RAB3C: variants seen among roughly 807,000 people sequenced by gnomAD.
RAB3C encodes the protein RAB3C, member RAS oncogene family.
Under a neutral mutation model 26.4 loss-of-function variants are expected in RAB3C, and 17 were observed. The observed-to-expected ratio is 0.64, with a 90% CI of 0.44 to 0.97. The LOEUF is 0.97. Ranked by LOEUF, RAB3C falls within the 50% of genes least tolerant of loss-of-function variation. The pLI is 0.00. For synonymous variants in RAB3C, 91 were observed against 95.9 expected, an observed-to-expected ratio of 0.95 and a Z score of 0.30; for missense variants, 242 against 281.9, an observed-to-expected ratio of 0.86 and a Z score of 1.01.
At chr5:58,711,463 T>C (rs1311730962) in intron 2 of RAB3C, among the ~76,000 whole-genome samples, 1 of 152,172 alleles carries the variant, frequency 6.6e-6, no homozygotes, top group African/African-American at 2.4e-5. Context: ...AGAGGTTAGA[T>C]GATATTTCTG....
intron 2 of RAB3C, among the ~76,000 whole-genome samples, chr5:58,674,899 A>G (rs1748192569): frequency 6.6e-6 from 1 of 152,062 alleles, no homozygotes; most frequent in African/African-American, 2.4e-5. Context: ...GTCTAACTCA[A>G]TCCTGAGTCA....
intron 2 of RAB3C, among the ~76,000 whole-genome samples, chr5:58,644,813 G>A (rs1747484866): frequency 6.6e-6 from 1 of 152,168 alleles, no homozygotes; most frequent in Non-Finnish European, 1.5e-5. Context: ...CATGATGGCA[G>A]GCTTCTCTGC....
chr5:58,748,332 C>T (rs972111250), intron 3 of RAB3C, among the ~76,000 whole-genome samples: 2 of 152,148 alleles, frequency 1.3e-5, no homozygotes, highest in Non-Finnish European at 2.9e-5. Context: ...GCCTTTGTGT[C>T]TTTCTTTCCA....
intron 2 of RAB3C, among the ~76,000 whole-genome samples, chr5:58,695,679 G>T (rs1027087837): frequency 3.3e-5 from 5 of 152,078 alleles, no homozygotes; most frequent in African/African-American, 1.2e-4. Flanking sequence ...TATTCTCTTT[G>T]TAGCAATTGT....
chr5:58,834,326 T>C (rs1579944641), intron 4 of RAB3C, among the ~76,000 whole-genome samples: 1 of 152,334 alleles, frequency 6.6e-6, no homozygotes, highest in Admixed American at 6.5e-5. Flanking sequence ...CCTGCAATGT[T>C]GCCTCCAGCC....
At chr5:58,697,554 G>A (rs1748741803) in intron 2 of RAB3C, among the ~76,000 whole-genome samples, 1 of 152,142 alleles carries the variant, frequency 6.6e-6, no homozygotes, top group African/African-American at 2.4e-5. Flanking sequence ...TTGTGTGGGA[G>A]TCTAAGTTTC....
chr5:58,635,637 G>A lies in RAB3C; in HGVS notation c.252+17767G>A, dbSNP rs1310755863. 5.3e-5 allele frequency among the ~76,000 whole-genome samples: 8 copies of A among 152,270 alleles called. No homozygotes were observed. In the East Asian group the frequency reaches 5.8e-4, roughly 11 times the overall value. ...CTGTCAGGACCAGGGTTTGTACATC[G>A]TCAGATTCTTTCTTCCTCCTCTAGC... On this transcript the variant is annotated intron_variant, in intron 2 of 4. Coordinates refer to ENST00000282878, the MANE Select transcript of RAB3C (RefSeq NM_138453.4).
Position 58,639,369 on chromosome 5 carries a change from T to C in RAB3C, c.252+21499T>C, listed in dbSNP as rs139450665. Among the ~76,000 whole-genome samples, 919 of 152,282 alleles carry C rather than the reference T, an allele frequency of 6.0e-3. 7 individuals are homozygous for C. The highest frequency in any genetic ancestry group is 9.8e-3 in the Non-Finnish European group (667 of 68,018). On this transcript the variant is annotated intron_variant, in intron 2 of 4. Transcript: ENST00000282878. ...CTTGGGCTGCTATAGGAAAATACTA[T>C]AAACAAGTTGCTCAAACAACAAAAA...
At position 58,856,735 on chromosome 5, in the gene RAB3C, G is replaced by C. The variant is rs1164373987; in HGVS notation, c.*5384G>C. ...AATGCTGTTCTTACAGACACAGATGGTACCTGAGCCCCTCAGACACCTGCC... is the reference window on the plus strand; with the variant it reads ...AATGCTGTTCTTACAGACACAGATGCTACCTGAGCCCCTCAGACACCTGCC... On this transcript the variant is annotated 3_prime_UTR_variant, in exon 5 of 5. Transcript: ENST00000282878. 1 of 152,180 alleles carries C rather than the reference G, an allele frequency of 6.6e-6. No homozygotes were observed. The highest frequency in any genetic ancestry group is 1.9e-4 in the East Asian group (1 of 5,196). The allele number at this position is 152,180 out of a possible 1,614,324, so 9.4% of individuals were successfully genotyped here. A position where few individuals can be genotyped will look rare whatever the true frequency, so the allele number is the denominator to read the frequency against.
chr5:58,766,368 G>A (rs941893070), intron 3 of RAB3C, among the ~76,000 whole-genome samples: 2 of 151,894 alleles, frequency 1.3e-5, no homozygotes, highest in Non-Finnish European at 2.9e-5. Context: ...CACCCACCTC[G>A]GCCCCCCAAA....
intron 3 of RAB3C, among the ~76,000 whole-genome samples, chr5:58,783,515 G>T (rs1742314134): frequency 6.6e-6 from 1 of 152,138 alleles, no homozygotes; most frequent in South Asian, 2.1e-4. Context: ...TAAGTAATTT[G>T]TGTTTCTGCT....
At chr5:58,700,442 C>G (rs893078322) in intron 2 of RAB3C, among the ~76,000 whole-genome samples, 3 of 152,142 alleles carry the variant, frequency 2.0e-5, no homozygotes, top group African/African-American at 7.2e-5. Context: ...GAATTCTATT[C>G]AAATACTGAA....
chr5:58,657,757 T>C (rs1379090975), intron 2 of RAB3C, among the ~76,000 whole-genome samples: 2 of 152,226 alleles, frequency 1.3e-5, no homozygotes, highest in Non-Finnish European at 2.9e-5. Flanking sequence ...TCTCACAGAA[T>C]GTACCTTCAC....
chr5:58,770,879 ACT>A (rs1337426015), intron 3 of RAB3C, among the ~76,000 whole-genome samples: 1 of 152,140 alleles, frequency 6.6e-6, no homozygotes, highest in African/African-American at 2.4e-5. Flanking sequence ...TGAAACACAC[ACT>A]CATATATACT....
At chr5:58,805,999 G>A (rs1418220583) in intron 3 of RAB3C, among the ~76,000 whole-genome samples, 1 of 152,130 alleles carries the variant, frequency 6.6e-6, no homozygotes, top group Non-Finnish European at 1.5e-5. Flanking sequence ...ATTCTGATGG[G>A]TAGACAGATT....
intron 3 of RAB3C, among the ~76,000 whole-genome samples, chr5:58,745,158 G>A (rs1488742114): frequency 6.6e-6 from 1 of 151,992 alleles, no homozygotes; most frequent in Non-Finnish European, 1.5e-5. Context: ...AGCACTTTGG[G>A]AGGCCAAGAC....
intron 2 of RAB3C, among the ~76,000 whole-genome samples, chr5:58,724,969 G>A (rs1740856523): frequency 6.6e-6 from 1 of 151,892 alleles, no homozygotes; most frequent in African/African-American, 2.4e-5. Context: ...GAGTTATGAG[G>A]GGATTGCCAC....
intron 2 of RAB3C, among the ~76,000 whole-genome samples, chr5:58,698,323 G>A (rs528809358): frequency 1.3e-5 from 2 of 152,264 alleles, no homozygotes; most frequent in South Asian, 2.1e-4. Context: ...TCCCTTTGAG[G>A]GTAACCTGAC....
At chr5:58,599,983 TC>T (rs1746414956) in intron 1 of RAB3C, among the ~76,000 whole-genome samples, 1 of 152,180 alleles carries the variant, frequency 6.6e-6, no homozygotes, top group Non-Finnish European at 1.5e-5. Context: ...TAGTTTCACG[TC>T]TTAGGTTTAA....
Sources: gnomAD v4.1 joint callset for allele counts (sites outside exome capture counted in the v4.1 genomes callset) on GRCh38, gnomAD v4.1.1 for gene constraint, MANE v1.5 for transcripts, NCBI Gene and HGNC (gene_info 2026-07-23, HGNC 2026-07-21) for gene names.